The following TGM6 variants were observed in gnomAD, a reference collection of about 807,000 sequenced individuals.
The protein encoded by TGM6 is transglutaminase 6, also known as protein-glutamine gamma-glutamyltransferase 6.
TGM6 carries 74 observed loss-of-function variants against 77.5 expected under a neutral mutation model. The ratio of observed to expected loss-of-function variants is 0.96; its 90% CI spans 0.79 to 1.16. The LOEUF (loss-of-function observed/expected upper bound fraction) is 1.16, where lower values mean the gene tolerates loss of function less well. Among genes scored for constraint, TGM6 ranks in the 50% most tolerant of loss-of-function variants. The pLI is 0.00. For missense variants in TGM6, 968 were observed against 940.2 expected (o/e 1.03, Z -0.39); for synonymous variants, 383 against 378.9 (o/e 1.01, Z -0.12).
intron 10 of TGM6, among the ~76,000 whole-genome samples, chr20:2,425,237 A>G (rs771089339): frequency 1.3e-5 from 2 of 152,016 alleles, no homozygotes; most frequent in African/African-American, 2.4e-5. Flanking sequence ...AGTCCTAGCT[A>G]CCTGGAGGCT....
At position 2,397,995 on chromosome 20, in the gene TGM6, C is replaced by A. The variant is rs148696208; in HGVS notation, c.621C>A (p.Asp207Glu). ...SPGHQNNPAT[D>E]VSCRHNPIYV... ...GTCACCAAAACAACCCAGCCACCGA[C>A]GTGTCCTGCCGCCACAACCCCATCT... The change falls in exon 5 of 13, where the codon GAC becomes GAA. Residue 207 changes from aspartate (D) to glutamate (E), a missense_variant. Asp to Glu is a conservative substitution (Grantham distance 45). Coordinates refer to ENST00000202625, the MANE Select transcript of TGM6 (RefSeq NM_198994.3). The A allele has an allele frequency of 1.2e-5, 20 of 1,614,042 alleles. No individual in the cohort carries two copies. The highest frequency in any genetic ancestry group is 4.0e-5 in the African/African-American group (3 of 74,908).
At chr20:2,396,787 G>A (rs1291157249) in intron 4 of TGM6, among the ~76,000 whole-genome samples, 163 bp downstream of exon 4, 1 of 152,284 alleles carries the variant, frequency 6.6e-6, no homozygotes, top group East Asian at 1.9e-4. Context: ...CACTGGGCCA[G>A]GGCCTGCACT....
At chr20:2,400,820 T>G (rs1003129239) in intron 7 of TGM6, among the ~76,000 whole-genome samples, 2 of 152,134 alleles carry the variant, frequency 1.3e-5, no homozygotes, top group Non-Finnish European at 2.9e-5. Context: ...GTTGTGTGTC[T>G]CAGGTGGGAA....
chr20:2,399,779 A>C, intron 6 of TGM6, 41 bp downstream of exon 6: 1 of 1,545,364 alleles, frequency 6.5e-7, no homozygotes, highest in Non-Finnish European at 8.8e-7. Flanking sequence ...CTGTGCCCCC[A>C]GCTTCCTCTA....
In TGM6 at chr20:2,400,376, C is replaced by T. The variant is rs778210525; in HGVS notation, c.921C>T (p.Asn307=). 2.4e-5 allele frequency: 39 copies of T among 1,614,104 alleles called. No homozygotes were observed. The highest frequency in any genetic ancestry group is 9.3e-5 in the African/African-American group (7 of 74,934). The change falls in exon 7 of 13, where the codon AAC becomes AAT. Residue 307 remains asparagine, a synonymous_variant. Transcript: ENST00000202625. ...ACTCAGCCCACGACACAGACCAGAA[C>T]CTGAGTGTGGACAAATACGTGGACT... The part of the protein sequence containing the change: ...NFNSAHDTDQ[N]LSVDKYVDSF...
In TGM6 at chr20:2,396,378, C is replaced by A. The variant is rs938577540; in HGVS notation, c.425-128C>A. On this transcript the variant is annotated intron_variant, in intron 3 of 12. Transcript: ENST00000202625. Reference sequence around the variant, plus strand: ...AGGCAGCACGGGAGCTCGCAAGCCCCCTCTTGACCTCTCCTGCCCCAGTCA... The same window carrying A: ...AGGCAGCACGGGAGCTCGCAAGCCCACTCTTGACCTCTCCTGCCCCAGTCA... The A allele has an allele frequency of 9.5e-5, 85 of 893,700 alleles. No individual in the cohort carries two copies. In the Middle Eastern group the frequency reaches 1.7e-3, roughly 18 times the overall value. 55.4% of individuals were successfully genotyped at this position (893,700 alleles called of 1,614,324 possible).
chr20:2,430,675 C>CT, intron 11 of TGM6, 75 bp downstream of exon 11: 1 of 1,608,440 alleles, frequency 6.2e-7, no homozygotes, highest in Non-Finnish European at 8.5e-7. Context: ...GCGTCAGAAG[C>CT]TGGGGGGGTT....
intron 9 of TGM6, among the ~76,000 whole-genome samples, chr20:2,413,443 T>C (rs1463549991): frequency 2.0e-5 from 3 of 152,028 alleles, no homozygotes; most frequent in African/African-American, 7.2e-5. Context: ...TTACAACAGA[T>C]ATACAGTAAC....
rs2084549603 is a variant in TGM6 at position 2,380,932 on chromosome 20, C to T, written c.-37C>T. On this transcript the variant is annotated 5_prime_UTR_variant, in exon 1 of 13. Transcript: ENST00000202625. ...CACTGTCCTGACGGTGCACACACTG[C>T]TGTGTGGAGGAACAGAGGAGTCCAG... The T allele has an allele frequency of 6.2e-7, 1 of 1,602,736 alleles. No individual in the cohort carries two copies. Among genetic ancestry groups the T allele is most frequent in the Non-Finnish European group, 8.5e-7 (1 of 1,176,316 alleles).
Position 2,417,417 on chromosome 20 carries a change from G to A in TGM6, c.1522G>A (p.Gly508Ser). The change falls in exon 10 of 13, where the codon GGC (glycine) becomes AGC (serine). Residue 508 changes from glycine (G) to serine (S), a missense_variant. Gly to Ser is a moderately conservative substitution (Grantham distance 56). Transcript: ENST00000202625. ...CAAGGTGCTAGAGCCTCCCATGCTGGGCCACGACCTGAGACTGGCCCTGTG... is the reference window on the plus strand; with the variant it reads ...CAAGGTGCTAGAGCCTCCCATGCTGAGCCACGACCTGAGACTGGCCCTGTG... Reference protein sequence around the residue: ...KFKVLEPPMLGHDLRLALCLA... With the variant: ...KFKVLEPPMLSHDLRLALCLA... 1 of 1,613,156 alleles carries A rather than the reference G, an allele frequency of 6.2e-7. No homozygotes were observed. Among genetic ancestry groups the A allele is most frequent in the Non-Finnish European group, 8.5e-7 (1 of 1,180,012 alleles).
At chr20:2,427,180 A>G (rs553808820) in intron 10 of TGM6, among the ~76,000 whole-genome samples, 2 of 152,214 alleles carry the variant, frequency 1.3e-5, no homozygotes, top group South Asian at 4.1e-4. Context: ...TTTTTAGTAG[A>G]TATAGGCCTA....
intron 9 of TGM6, among the ~76,000 whole-genome samples, chr20:2,409,118 T>C (rs758287721): frequency 2.7e-4 from 41 of 152,134 alleles, no homozygotes; most frequent in Admixed American, 6.5e-4. Flanking sequence ...AGGATTGAAA[T>C]CATACAAAGT....
chr20:2,400,332 C>T lies in TGM6; in HGVS notation c.877C>T (p.Arg293Trp), dbSNP rs771041328. The T allele has an allele frequency of 2.4e-5, 38 of 1,614,192 alleles. No individual in the cohort carries two copies. The highest frequency in any genetic ancestry group is 5.3e-5 in the African/African-American group (4 of 75,058). Residue 293 changes from arginine (R) to tryptophan (W), a missense_variant, in exon 7 of 13, where the codon CGG becomes TGG. Physicochemically the swap from Arg to Trp is moderately radical, Grantham distance 101. Transcript: ENST00000202625. ...CCTCAGGTGCTTGGGGATAGCCACACGGGTCGTGTCCAACTTCAACTCAGC... is the reference window on the plus strand; with the variant it reads ...CCTCAGGTGCTTGGGGATAGCCACATGGGTCGTGTCCAACTTCAACTCAGC... ...TVLRCLGIAT[R>W]VVSNFNSAHD...
chr20:2,397,235 GAGGGA>G (rs1431028968), intron 4 of TGM6, among the ~76,000 whole-genome samples: 5 of 152,250 alleles, frequency 3.3e-5, no homozygotes, highest in South Asian at 4.1e-4. Flanking sequence ...TGCCCAGGCA[GAGGGA>G]AGAGCAGGCA....
intron 10 of TGM6, among the ~76,000 whole-genome samples, chr20:2,424,985 C>T (rs1296430847): frequency 2.6e-5 from 4 of 152,160 alleles, no homozygotes; most frequent in African/African-American, 9.7e-5. Context: ...AGTTCAACAT[C>T]TTACAGGGCA....
At chr20:2,415,393 T>G (rs1206561025) in intron 9 of TGM6, among the ~76,000 whole-genome samples, 2 of 152,260 alleles carry the variant, frequency 1.3e-5, no homozygotes, top group Non-Finnish European at 2.9e-5. Context: ...GAAACAGAAC[T>G]GGAATGGGAT....
chr20:2,394,722 C>A (rs1396544828), intron 2 of TGM6, 97 bp downstream of exon 2: 2 of 1,359,222 alleles, frequency 1.5e-6, no homozygotes, highest in Non-Finnish European at 2.0e-6. Flanking sequence ...AGCTCAGGCT[C>A]TGGGGGAAGC....
chr20:2,394,373 G>T (rs1599947168), intron 1 of TGM6, 79 bp from the exon 2 acceptor site: 1 of 1,509,016 alleles, frequency 6.6e-7, no homozygotes, highest in East Asian at 2.3e-5. Context: ...GACTGGCCGA[G>T]AATGAATGGG....
intron 1 of TGM6, among the ~76,000 whole-genome samples, chr20:2,384,519 T>C (rs2084580881): frequency 6.6e-6 from 1 of 152,202 alleles, no homozygotes; most frequent in Non-Finnish European, 1.5e-5. Flanking sequence ...GAACCTAGTA[T>C]GTGCCTGGTA....
Sources: gnomAD v4.1 joint callset for allele counts (sites outside exome capture counted in the v4.1 genomes callset) on GRCh38, gnomAD v4.1.1 for gene constraint, MANE v1.5 for transcripts, NCBI Gene and HGNC (gene_info 2026-07-23, HGNC 2026-07-21) for gene names.